Variants in TENM1 observed in about 807,000 individuals in gnomAD.
TENM1 encodes teneurin-1.
TENM1 carries 35 observed loss-of-function variants against 174.8 expected under a neutral mutation model. The observed-to-expected ratio is 0.20, with a 90% confidence interval of 0.15 to 0.27. The LOEUF is 0.27. Ranked by LOEUF, TENM1 falls within the 10% of genes least tolerant of loss-of-function variation. TENM1 has a pLI of 1.00. For missense variants in TENM1, 1,633 were observed against 2,130.1 expected (o/e 0.77, Z 4.59); for synonymous variants, 781 against 798.7 (o/e 0.98, Z 0.37).
chrX:125,102,460 A>G, the TENM1 span, among the ~76,000 whole-genome samples: 2 of 111,691 alleles, frequency 1.8e-5, no homozygotes, highest in African/African-American at 6.5e-5. Context: ...ACAATTCAGC[A>G]GTAAAAGAAT....
At chrX:125,121,212 C>T in the TENM1 span, among the ~76,000 whole-genome samples, 1 of 111,379 alleles carries the variant, frequency 9.0e-6, no homozygotes, top group Non-Finnish European at 1.9e-5. Context: ...GGACCTCATC[C>T]TATCCCTGAT....
Position 124,391,577 on chromosome X carries a change from G to A in TENM1, c.5688+475C>T, listed in dbSNP as rs144206929. 3.0e-3 allele frequency among the ~76,000 whole-genome samples: 331 copies of A among 111,445 alleles called. 1 individual carries two copies. Among genetic ancestry groups the A allele is most frequent in the African/African-American group, 0.01 (316 of 30,652 alleles). On this transcript the variant is annotated intron_variant, in intron 28 of 31. Coordinates refer to ENST00000422452, the Ensembl canonical transcript of TENM1. ...ATGAGGCCCCACTACCACCATTCCC[G>A]CAGGCTGATTACTTTTGGAAATTAG...
chrX:124,824,360 A>G (rs1173647446), intron 3 of TENM1, among the ~76,000 whole-genome samples: 1 of 111,946 alleles, frequency 8.9e-6, no homozygotes, highest in African/African-American at 3.2e-5. Context: ...GTCAGCATCT[A>G]TTTTTCTTAA....
At chrX:124,496,286 A>G (rs896201238) in intron 20 of TENM1, among the ~76,000 whole-genome samples, 1 of 111,755 alleles carries the variant, frequency 8.9e-6, no homozygotes, top group African/African-American at 3.2e-5. Flanking sequence ...TCCCTTTTCT[A>G]TAACACCAGA....
At chrX:125,064,961 G>T in the TENM1 span, among the ~76,000 whole-genome samples, 7 of 111,934 alleles carry the variant, frequency 6.3e-5, no homozygotes, top group Non-Finnish European at 9.4e-5. Context: ...TTTTCCACTC[G>T]ATGGGTACCA....
chrX:124,686,558 A>C (rs769242604), intron 5 of TENM1, among the ~76,000 whole-genome samples: 1 of 112,119 alleles, frequency 8.9e-6, no homozygotes, highest in South Asian at 3.7e-4. Context: ...AGCACATCAA[A>C]AAGCTTATCC....
intron 22 of TENM1, among the ~76,000 whole-genome samples, chrX:124,478,661 T>C: frequency 8.9e-6 from 1 of 112,022 alleles, no homozygotes; most frequent in Middle Eastern, 4.6e-3. Flanking sequence ...GAAATGGTGC[T>C]CCCTAGATGT....
chrX:125,104,371 TTCC>T, the TENM1 span, among the ~76,000 whole-genome samples: 11 of 112,274 alleles, frequency 9.8e-5, no homozygotes, highest in African/African-American at 3.6e-4. Context: ...TCCCAAACTC[TTCC>T]TCAAGACCAA....
chrX:125,150,025 T>C, the TENM1 span, among the ~76,000 whole-genome samples: 1 of 110,886 alleles, frequency 9.0e-6, no homozygotes, highest in Non-Finnish European at 1.9e-5. Context: ...CACGAGTTAT[T>C]GAAGGATAAG....
rs1362839008 is a variant in TENM1 at position 124,879,173 on chromosome X, T to C, written c.535+15123A>G. Among the ~76,000 whole-genome samples the C allele has an allele frequency of 6.3e-5, 7 of 111,815 alleles. 1 individual carries two copies. The East Asian group carries it at 2.0e-3, about 32-fold the overall frequency. On this transcript the variant is annotated intron_variant, in intron 3 of 31. Coordinates refer to ENST00000422452, the Ensembl canonical transcript of TENM1. ...CAGGTATTTTGAAATATACAATACA[T>C]TGCTGTTAACTGTAATCATCCTACT...
At chrX:124,834,296 C>T (rs777708142) in intron 3 of TENM1, among the ~76,000 whole-genome samples, 78 of 111,352 alleles carry the variant, frequency 7.0e-4, no homozygotes, top group Non-Finnish European at 1.3e-3. Flanking sequence ...CTCAGCCTTC[C>T]GAGTAGCTAG....
At chrX:124,421,213 T>C (rs2060649302) in intron 24 of TENM1, among the ~76,000 whole-genome samples, 2 of 112,052 alleles carry the variant, frequency 1.8e-5, no homozygotes, top group South Asian at 7.5e-4. Flanking sequence ...CTACTGTGCC[T>C]AGATGCCCTT....
chrX:124,800,614 A>C (rs1209733036), intron 3 of TENM1, among the ~76,000 whole-genome samples: 1 of 110,332 alleles, frequency 9.1e-6, no homozygotes, highest in East Asian at 2.8e-4. Flanking sequence ...TTCTGCTCTG[A>C]TCTTCATTAT....
At chrX:124,444,653 T>A (rs1029266800) in intron 23 of TENM1, among the ~76,000 whole-genome samples, 1 of 110,712 alleles carries the variant, frequency 9.0e-6, no homozygotes, top group African/African-American at 3.3e-5. Flanking sequence ...TTTTTTTTTT[T>A]AAACAATCAA....
At chrX:125,026,511 TA>T in the TENM1 span, among the ~76,000 whole-genome samples, 2 of 111,774 alleles carry the variant, frequency 1.8e-5, no homozygotes, top group African/African-American at 6.5e-5. Flanking sequence ...TTTCAGAGGC[TA>T]AAAAAGAAGG....
At chrX:125,094,970 T>G in the TENM1 span, among the ~76,000 whole-genome samples, 1 of 112,371 alleles carries the variant, frequency 8.9e-6, no homozygotes, top group Non-Finnish European at 1.9e-5. Flanking sequence ...TGATAAGTGC[T>G]TCACTTGAAT....
At chrX:124,886,546 T>TAGAGAGAGAG (rs1486537193) in intron 3 of TENM1, among the ~76,000 whole-genome samples, 4 of 76,068 alleles carry the variant, frequency 5.3e-5, no homozygotes, top group South Asian at 6.8e-4. Flanking sequence ...TATATATATA[T>TAGAGAGAGAG]ATAGAGAGAG....
chrX:124,525,375 A>G, intron 16 of TENM1, among the ~76,000 whole-genome samples: 2 of 112,313 alleles, frequency 1.8e-5, no homozygotes, highest in South Asian at 7.3e-4. Context: ...AGTTTAAGGC[A>G]AGTGTAGTGG....
intron 11 of TENM1, among the ~76,000 whole-genome samples, chrX:124,582,880 T>C (rs2049362968): frequency 8.9e-6 from 1 of 112,419 alleles, no homozygotes; most frequent in African/African-American, 3.2e-5. Flanking sequence ...CAGGAGATTA[T>C]ATCCCGCACC....
Sources: allele counts gnomAD v4.1 joint callset (sites outside exome capture counted in the v4.1 genomes callset), GRCh38; gene constraint gnomAD v4.1.1; transcripts MANE v1.5; gene names NCBI Gene and HGNC (gene_info 2026-07-23, HGNC 2026-07-21).